The following UBE2E2 variants were observed in gnomAD, a reference collection of about 807,000 sequenced individuals.
UBE2E2 encodes the protein ubiquitin conjugating enzyme E2 E2, also known as ubiquitin-conjugating enzyme E2 E2.
A neutral mutation model predicts 24.7 loss-of-function variants in UBE2E2; 6 were observed. That is an observed-to-expected ratio of 0.24 (90% CI 0.13 to 0.48). The LOEUF (loss-of-function observed/expected upper bound fraction) is 0.48. Among genes scored for constraint, UBE2E2 ranks in the 20% least tolerant of loss-of-function variants. The pLI is 0.99. For synonymous variants in UBE2E2, 104 were observed against 83.6 expected (o/e 1.24, Z -1.33); for missense variants, 169 against 245.0 (o/e 0.69, Z 2.07).
At chr3:23,466,819 A>G (rs1233592342) in intron 3 of UBE2E2, among the ~76,000 whole-genome samples, 4 of 151,894 alleles carry the variant, frequency 2.6e-5, no homozygotes, top group African/African-American at 9.7e-5. Context: ...CACCCACCTC[A>G]GCCTCCCACA....
chr3:23,242,716 A>G (rs1023461392), intron 3 of UBE2E2, among the ~76,000 whole-genome samples: 3 of 152,186 alleles, frequency 2.0e-5, no homozygotes, highest in African/African-American at 7.2e-5. Flanking sequence ...TTAAGGTGGC[A>G]TTAAGTTAGT....
intron 3 of UBE2E2, among the ~76,000 whole-genome samples, chr3:23,235,362 A>T (rs1280480212): frequency 6.6e-6 from 1 of 152,154 alleles, no homozygotes; most frequent in African/African-American, 2.4e-5. Flanking sequence ...TAGTATTACA[A>T]ACTGCATGTG....
intron 3 of UBE2E2, among the ~76,000 whole-genome samples, chr3:23,470,657 T>C (rs962806044): frequency 4.6e-5 from 7 of 152,222 alleles, no homozygotes; most frequent in Admixed American, 3.9e-4. Context: ...ACTTAAGAAC[T>C]GCATTTGATG....
intron 3 of UBE2E2, among the ~76,000 whole-genome samples, chr3:23,482,903 T>G (rs1699287184): frequency 6.6e-6 from 1 of 152,254 alleles, no homozygotes; most frequent in Non-Finnish European, 1.5e-5. Flanking sequence ...TTAAATAAAT[T>G]GCCAAATAAC....
At chr3:23,308,737 T>C (rs1260896314) in intron 3 of UBE2E2, among the ~76,000 whole-genome samples, 1 of 152,160 alleles carries the variant, frequency 6.6e-6, no homozygotes, top group Non-Finnish European at 1.5e-5. Context: ...GGAGAATTGA[T>C]TCATGCTATT....
intron 3 of UBE2E2, among the ~76,000 whole-genome samples, chr3:23,425,169 A>AG (rs1697895600): frequency 6.6e-6 from 1 of 152,194 alleles, no homozygotes; most frequent in African/African-American, 2.4e-5. Flanking sequence ...TCCTTGAGTA[A>AG]GTCCATAAGG....
intron 3 of UBE2E2, among the ~76,000 whole-genome samples, chr3:23,418,256 G>A (rs139949610): frequency 6.6e-6 from 1 of 152,200 alleles, no homozygotes; most frequent in East Asian, 1.9e-4. Flanking sequence ...ATCAGGGCCA[G>A]AGTGCACCGT....
chr3:23,221,342 T>C (rs760154589), intron 3 of UBE2E2, among the ~76,000 whole-genome samples: 2 of 152,206 alleles, frequency 1.3e-5, no homozygotes, highest in Non-Finnish European at 2.9e-5. Flanking sequence ...CTTATACTTT[T>C]AGGTTTTTAG....
At chr3:23,524,708 A>G (rs975982696) in intron 4 of UBE2E2, among the ~76,000 whole-genome samples, 6 of 152,200 alleles carry the variant, frequency 3.9e-5, no homozygotes, top group Admixed American at 1.3e-4. Flanking sequence ...GTGTTCTTTT[A>G]TGCTTTAGTC....
At chr3:23,491,784 G>C (rs1699501895) in intron 3 of UBE2E2, among the ~76,000 whole-genome samples, 1 of 152,194 alleles carries the variant, frequency 6.6e-6, no homozygotes, top group Non-Finnish European at 1.5e-5. Context: ...AATTGCCCTA[G>C]CTGCAGTTTG....
chr3:23,580,416 G>T (rs748408123), intron 5 of UBE2E2, among the ~76,000 whole-genome samples: 1 of 152,166 alleles, frequency 6.6e-6, no homozygotes. Context: ...AAAAGATTAC[G>T]ACTTACTGAA....
At chr3:23,251,165 C>T (rs1006478297) in intron 3 of UBE2E2, among the ~76,000 whole-genome samples, 10 of 152,158 alleles carry the variant, frequency 6.6e-5, no homozygotes, top group African/African-American at 9.7e-5. Context: ...TTTAATTCAT[C>T]GTGTGTGTAT....
rs1696663498 is a variant in UBE2E2 at position 23,381,285 on chromosome 3, G to A, written c.228-118323G>A. 2.6e-5 allele frequency among the ~76,000 whole-genome samples: 4 copies of A among 152,136 alleles called. No individual in the cohort carries two copies. In the South Asian group the frequency reaches 8.3e-4, roughly 31 times the overall value. ...ATGGTCAGGTAAGATCTCTTTCTGGGAAACTGTGGTAAGAATGTGTAGAAA... is the reference window on the plus strand; with the variant it reads ...ATGGTCAGGTAAGATCTCTTTCTGGAAAACTGTGGTAAGAATGTGTAGAAA... On this transcript the variant is annotated intron_variant, in intron 3 of 5. Coordinates refer to ENST00000396703, the MANE Select transcript of UBE2E2 (RefSeq NM_152653.4).
chr3:23,539,458 T>C (rs1312864640), intron 5 of UBE2E2, among the ~76,000 whole-genome samples: 1 of 152,218 alleles, frequency 6.6e-6, no homozygotes, highest in Non-Finnish European at 1.5e-5. Context: ...AGTTTCACCC[T>C]TATCTCTTAT....
chr3:23,242,458 T>C (rs1697284746), intron 3 of UBE2E2, among the ~76,000 whole-genome samples: 1 of 143,954 alleles, frequency 6.9e-6, no homozygotes, highest in Admixed American at 7.7e-5. Flanking sequence ...AAAGACTATT[T>C]GTTAAATTTA....
intron 3 of UBE2E2, among the ~76,000 whole-genome samples, chr3:23,268,610 G>C (rs947422577): frequency 1.1e-4 from 16 of 147,718 alleles, no homozygotes; most frequent in African/African-American, 4.1e-4. Flanking sequence ...TCAATATCGT[G>C]AAAATGGCCA....
intron 3 of UBE2E2, among the ~76,000 whole-genome samples, chr3:23,220,118 G>A (rs1214828810): frequency 6.6e-6 from 1 of 152,158 alleles, no homozygotes; most frequent in Non-Finnish European, 1.5e-5. Flanking sequence ...ACAGCATTCA[G>A]TGTAGATAAA....
chr3:23,580,839 G>C (rs1364119584), intron 5 of UBE2E2, among the ~76,000 whole-genome samples: 1 of 152,152 alleles, frequency 6.6e-6, no homozygotes, highest in African/African-American at 2.4e-5. Context: ...TAAAAGAGCA[G>C]GGCTTATTTT....
rs527986004 is a variant in UBE2E2, at chr3:23,311,900, G to A, written c.227+94588G>A. The stretch of plus-strand genomic sequence containing the variant: ...CAGTTATACTCCTTCATATGGTTTG[G>A]ATCTGTGTCTCCACCAAATCTCATG... On this transcript the variant is annotated intron_variant, in intron 3 of 5. Transcript: ENST00000396703. Among the ~76,000 whole-genome samples the A allele has an allele frequency of 1.9e-4, 29 of 152,096 alleles. 1 individual carries two copies. The highest frequency in any genetic ancestry group is 7.0e-4 in the African/African-American group (29 of 41,492).
Sources: gnomAD v4.1 joint callset for allele counts (sites outside exome capture counted in the v4.1 genomes callset) on GRCh38, gnomAD v4.1.1 for gene constraint, MANE v1.5 for transcripts, NCBI Gene and HGNC (gene_info 2026-07-23, HGNC 2026-07-21) for gene names.